Variants in ACKR3 observed in about 807,000 individuals in gnomAD.
ACKR3 encodes atypical chemokine receptor 3, also known as C-X-C chemokine receptor type 7.
Under a neutral mutation model 22.4 loss-of-function variants are expected in ACKR3, and 6 were observed. The observed-to-expected ratio is 0.27, with a 90% confidence interval of 0.15 to 0.53. ACKR3 has a LOEUF of 0.53. Among genes scored for constraint, ACKR3 ranks in the 20% least tolerant of loss-of-function variants. The pLI, the probability that ACKR3 is intolerant of heterozygous loss-of-function variation, is 0.96. For synonymous variants in ACKR3, 209 were observed against 205.2 expected (o/e 1.02, Z -0.16); for missense variants, 396 against 475.2 (o/e 0.83, Z 1.55).
chr2:236,542,916 TCC>T, the ACKR3 span, among the ~76,000 whole-genome samples: 1 of 152,142 alleles, frequency 6.6e-6, no homozygotes, highest in Non-Finnish European at 1.5e-5. Flanking sequence ...CTAAACAGCA[TCC>T]ATTAGTTACT....
At chr2:236,542,180 CAA>C in the ACKR3 span, among the ~76,000 whole-genome samples, 2 of 152,200 alleles carry the variant, frequency 1.3e-5, no homozygotes, top group Non-Finnish European at 2.9e-5. Flanking sequence ...TAGGGCCTAA[CAA>C]GAGACAGATT....
the ACKR3 span, among the ~76,000 whole-genome samples, chr2:236,547,806 G>A: frequency 6.6e-6 from 1 of 151,546 alleles, no homozygotes; most frequent in Non-Finnish European, 1.5e-5. Flanking sequence ...TCTCCAGGCT[G>A]CTTTTAAGAT....
At chr2:236,559,046 A>G in the ACKR3 span, among the ~76,000 whole-genome samples, 2 of 152,196 alleles carry the variant, frequency 1.3e-5, no homozygotes, top group Admixed American at 6.5e-5. Flanking sequence ...AATGTTACCA[A>G]CTTTTCATAA....
upstream of ACKR3, among the ~76,000 whole-genome samples, chr2:236,564,210 C>G (rs1205552025): frequency 6.6e-6 from 1 of 152,172 alleles, no homozygotes; most frequent in Non-Finnish European, 1.5e-5. Context: ...GAGGTGTAAC[C>G]CAGTTGGAGG....
At chr2:236,558,377 T>C in the ACKR3 span, among the ~76,000 whole-genome samples, 1 of 152,318 alleles carries the variant, frequency 6.6e-6, no homozygotes, top group Non-Finnish European at 1.5e-5. Context: ...TAAACTGTCA[T>C]GGTGCTGGCA....
intron 1 of ACKR3, among the ~76,000 whole-genome samples, chr2:236,571,251 T>C (rs1559471089): frequency 1.3e-5 from 2 of 152,206 alleles, no homozygotes; most frequent in Non-Finnish European, 2.9e-5. Context: ...TGGAAACAAT[T>C]TGCTCTTTTT....
At chr2:236,550,397 C>T in the ACKR3 span, among the ~76,000 whole-genome samples, 1 of 152,240 alleles carries the variant, frequency 6.6e-6, no homozygotes, top group Non-Finnish European at 1.5e-5. This position sits in a 1 kb window ranked among gnomAD's most constrained non-coding sequence, Gnocchi z 4.6. Context: ...CTTTCAGTTT[C>T]CATTGGTGTA....
the ACKR3 span, among the ~76,000 whole-genome samples, chr2:236,560,345 A>G: frequency 1.8e-5 from 2 of 109,426 alleles, no homozygotes; most frequent in Non-Finnish European, 3.5e-5. Context: ...TGTAAAGGCC[A>G]TCCTGATAGG....
chr2:236,566,754 T>TCCTTCCTTCCTTCCTTCCTTCCTG, upstream of ACKR3, among the ~76,000 whole-genome samples: 1 of 148,626 alleles, frequency 6.7e-6, no homozygotes, highest in African/African-American at 2.5e-5. Flanking sequence ...CTTCCTTCCT[T>TCCTTCCTTCCTTCCTTCCTTCCTG]CCTTCCTTCC....
At chr2:236,540,771 A>C in the ACKR3 span, among the ~76,000 whole-genome samples, 22 of 152,102 alleles carry the variant, frequency 1.4e-4, no homozygotes, top group Non-Finnish European at 3.1e-4. Flanking sequence ...CATTGATCGC[A>C]TTGGTGTCTT....
chr2:236,573,284 G>A (rs535099010), intron 1 of ACKR3, among the ~76,000 whole-genome samples: 5 of 152,354 alleles, frequency 3.3e-5, no homozygotes, highest in Non-Finnish European at 2.9e-5. Flanking sequence ...CAGGCTCAGC[G>A]TAAGCGGGGC....
At chr2:236,573,877 C>A (rs752803349) in intron 1 of ACKR3, among the ~76,000 whole-genome samples, 9 of 152,240 alleles carry the variant, frequency 5.9e-5, no homozygotes, top group Non-Finnish European at 1.0e-4. Context: ...TAAGGCCCAA[C>A]TCTTACCTCC....
At chr2:236,576,295 A>T (rs1200238181) in intron 1 of ACKR3, among the ~76,000 whole-genome samples, 1 of 152,248 alleles carries the variant, frequency 6.6e-6, no homozygotes, top group Non-Finnish European at 1.5e-5. Flanking sequence ...TTAAGAATGT[A>T]TACAAGGACC....
chr2:236,544,454 AGGTCG>A, the ACKR3 span, among the ~76,000 whole-genome samples: 8 of 152,204 alleles, frequency 5.3e-5, no homozygotes, highest in African/African-American at 1.9e-4. This position sits in a 1 kb window ranked among gnomAD's most constrained non-coding sequence, Gnocchi z 5.0. Context: ...CTGTCGGAGC[AGGTCG>A]GAGAAAATGA....
At chr2:236,541,548 C>A in the ACKR3 span, among the ~76,000 whole-genome samples, 5 of 152,148 alleles carry the variant, frequency 3.3e-5, no homozygotes, top group Non-Finnish European at 5.9e-5. Context: ...TTGAGAGTAA[C>A]GGGTTGCCTG....
chr2:236,552,698 C>T, the ACKR3 span, among the ~76,000 whole-genome samples: 1 of 152,118 alleles, frequency 6.6e-6, no homozygotes, highest in South Asian at 2.1e-4. Context: ...CAGAGGCATG[C>T]TCTGCGTGTA....
At chr2:236,572,730 G>T (rs1271044769) in intron 1 of ACKR3, among the ~76,000 whole-genome samples, 1 of 152,188 alleles carries the variant, frequency 6.6e-6, no homozygotes, top group Non-Finnish European at 1.5e-5. Flanking sequence ...GCTCTTGTGG[G>T]TATAGCTTTG....
upstream of ACKR3, among the ~76,000 whole-genome samples, chr2:236,565,839 G>A (rs192720720): frequency 2.6e-5 from 4 of 152,284 alleles, no homozygotes; most frequent in African/African-American, 4.8e-5. Context: ...TTAAGCCGTT[G>A]CCCTGCAGAA....
the ACKR3 span, among the ~76,000 whole-genome samples, chr2:236,541,999 A>G: frequency 6.6e-6 from 1 of 152,034 alleles, no homozygotes; most frequent in Non-Finnish European, 1.5e-5. Flanking sequence ...TGTCTTTATT[A>G]GCAGCATGAG....
Sources: allele counts gnomAD v4.1 joint callset (sites outside exome capture counted in the v4.1 genomes callset), GRCh38; gene constraint gnomAD v4.1.1; non-coding constraint Gnocchi (gnomAD v3.1); transcripts MANE v1.5; gene names NCBI Gene and HGNC (gene_info 2026-07-23, HGNC 2026-07-21).